The following ROBO1 variants were observed in gnomAD, a reference collection of about 807,000 sequenced individuals.
ROBO1 encodes roundabout homolog 1.
Under a neutral mutation model 195.9 loss-of-function variants are expected in ROBO1, and 149 were observed. The observed-to-expected ratio is 0.76, with a 90% CI of 0.67 to 0.87. ROBO1 has a LOEUF of 0.87. Ranked by LOEUF, ROBO1 falls within the 40% of genes least tolerant of loss-of-function variation. The pLI is 0.00. For missense variants in ROBO1, 1,933 were observed against 2,068.3 expected, an observed-to-expected ratio of 0.93 and a Z score of 1.27; for synonymous variants, 816 against 733.2, an observed-to-expected ratio of 1.11 and a Z score of -1.82.
chr3:78,899,542 G>GA (rs1338670503), intron 4 of ROBO1, among the ~76,000 whole-genome samples: 2 of 152,112 alleles, frequency 1.3e-5, no homozygotes, highest in Non-Finnish European at 2.9e-5. Context: ...GGAAAACTGG[G>GA]AATGTTTGCT....
intron 4 of ROBO1, among the ~76,000 whole-genome samples, chr3:78,814,589 G>C (rs938385872): frequency 6.6e-6 from 1 of 151,822 alleles, no homozygotes; most frequent in South Asian, 2.1e-4. Context: ...AGCTAGACAA[G>C]ACCTGTAAGA....
intron 3 of ROBO1, among the ~76,000 whole-genome samples, chr3:79,037,288 GA>G (rs1469052509): frequency 6.6e-6 from 1 of 152,114 alleles, no homozygotes; most frequent in Non-Finnish European, 1.5e-5. Flanking sequence ...TTCTCTGTAT[GA>G]ATATACCATG....
At chr3:78,711,371 CTTCCTTCCTTCCTTCCTTCCTTCCT>C (rs2081712519) in intron 8 of ROBO1, among the ~76,000 whole-genome samples, 6 of 26,034 alleles carry the variant, frequency 2.3e-4, no homozygotes, top group African/African-American at 1.0e-3. Flanking sequence ...TCCTTCCTTC[CTTCCTTCCTTCCTTCCTTCCTTCCT>C]TCCTTTCTTT....
intron 2 of ROBO1, among the ~76,000 whole-genome samples, chr3:79,581,873 T>C (rs756887596): frequency 6.6e-6 from 1 of 152,102 alleles, no homozygotes; most frequent in African/African-American, 2.4e-5. Flanking sequence ...GAACAAATCA[T>C]ATATATACAA....
intron 1 of ROBO1, among the ~76,000 whole-genome samples, chr3:79,711,931 G>GGGGGGGAGCACTA (rs1702292817): frequency 1.4e-5 from 2 of 141,620 alleles, no homozygotes; most frequent in African/African-American, 5.3e-5. Context: ...GGGCGGGTGG[G>GGGGGGGAGCACTA]TGGGGGAGCA....
In ROBO1 at chr3:79,578,059, A is replaced by G. The variant is rs536894773; in HGVS notation, c.88+11765T>C. On this transcript the variant is annotated intron_variant, in intron 2 of 30. Transcript: ENST00000464233. ...ACAGATGACACATAAACTTAATAAT[A>G]TTATATACAATTAAGGAATTAAAAA... 9.4e-3 allele frequency among the ~76,000 whole-genome samples: 1,434 copies of G among 152,190 alleles called. 24 individuals are homozygous for G. Among genetic ancestry groups the G allele is most frequent in the African/African-American group, 0.033 (1,371 of 41,534 alleles).
chr3:79,017,649 T>C lies in ROBO1; in HGVS notation c.173-78722A>G, dbSNP rs981373145. Among the ~76,000 whole-genome samples the C allele has an allele frequency of 3.3e-5, 5 of 152,084 alleles. No individual in the cohort carries two copies. In the South Asian group the frequency reaches 8.3e-4, roughly 25 times the overall value. ...AGTGTAGATACAGTGTGTACTCTTA[T>C]GTCAGAAGGGCCCCGTTTCAGCATC... On this transcript the variant is annotated intron_variant, in intron 3 of 30. Coordinates refer to ENST00000464233, the MANE Select transcript of ROBO1 (RefSeq NM_002941.4).
chr3:79,726,351 T>C (rs547335841), intron 1 of ROBO1, among the ~76,000 whole-genome samples: 66 of 152,334 alleles, frequency 4.3e-4, no homozygotes, highest in African/African-American at 1.6e-3. Context: ...AGAACCTTCC[T>C]GAACCCTTGG....
chr3:79,738,945 GA>G (rs1008685138), intron 1 of ROBO1, among the ~76,000 whole-genome samples: 1 of 152,108 alleles, frequency 6.6e-6, no homozygotes, highest in African/African-American at 2.4e-5. Context: ...GAAATACTGA[GA>G]AGAATATGAT....
intron 3 of ROBO1, among the ~76,000 whole-genome samples, chr3:78,997,879 T>G (rs2077406273): frequency 6.6e-6 from 1 of 152,104 alleles, no homozygotes; most frequent in African/African-American, 2.4e-5. Flanking sequence ...CAGTTCAGCA[T>G]TTGTGGGGAA....
chr3:79,126,100 G>A (rs545554616), intron 2 of ROBO1, among the ~76,000 whole-genome samples: 2 of 152,198 alleles, frequency 1.3e-5, no homozygotes, highest in East Asian at 1.9e-4. Context: ...GGAAGAAAAC[G>A]GTGCAACATC....
chr3:79,198,682 C>A (rs1418548297), intron 2 of ROBO1, among the ~76,000 whole-genome samples: 1 of 151,886 alleles, frequency 6.6e-6, no homozygotes, highest in Non-Finnish European at 1.5e-5. Flanking sequence ...ATGGAAAGTT[C>A]TTCCATTTGT....
intron 1 of ROBO1, among the ~76,000 whole-genome samples, chr3:79,749,711 G>T (rs1414466758): frequency 6.6e-6 from 1 of 152,234 alleles, no homozygotes; most frequent in Non-Finnish European, 1.5e-5. Flanking sequence ...CTTCCATGTG[G>T]TGTTGAACCT....
At chr3:79,538,921 A>G (rs1416714216) in intron 2 of ROBO1, among the ~76,000 whole-genome samples, 1 of 152,158 alleles carries the variant, frequency 6.6e-6, no homozygotes, top group African/African-American at 2.4e-5. Flanking sequence ...GATACAATTA[A>G]ACATCTGATT....
At chr3:78,859,182 C>G (rs1057433256) in intron 4 of ROBO1, among the ~76,000 whole-genome samples, 1 of 152,118 alleles carries the variant, frequency 6.6e-6, no homozygotes, top group Non-Finnish European at 1.5e-5. Flanking sequence ...ACCGATAGAG[C>G]TGGAGTGTGT....
intron 7 of ROBO1, chr3:78,714,740 T>C (rs2081858275): frequency 4.8e-6 from 2 of 414,288 alleles, no homozygotes; most frequent in South Asian, 7.4e-5. Context: ...AAAAGAACAT[T>C]TTGGGGTAAA....
chr3:79,380,962 C>T (rs545428110), intron 2 of ROBO1, among the ~76,000 whole-genome samples: 5 of 152,300 alleles, frequency 3.3e-5, no homozygotes, highest in Admixed American at 6.5e-5. Context: ...GAGCTTTCAG[C>T]ACACCCTCCA....
At chr3:79,548,308 A>G (rs150749658) in intron 2 of ROBO1, among the ~76,000 whole-genome samples, 218 of 152,300 alleles carry the variant, frequency 1.4e-3, no homozygotes, top group Non-Finnish European at 2.6e-3. Flanking sequence ...AAATCTCTTA[A>G]ACAAATGCTA....
At chr3:79,308,966 G>A (rs559095226) in intron 2 of ROBO1, among the ~76,000 whole-genome samples, 4 of 152,070 alleles carry the variant, frequency 2.6e-5, no homozygotes, top group East Asian at 1.9e-4. Flanking sequence ...AATCTGAAGC[G>A]GTATCTCTAG....
Sources: allele counts gnomAD v4.1 joint callset (sites outside exome capture counted in the v4.1 genomes callset), GRCh38; gene constraint gnomAD v4.1.1; transcripts MANE v1.5; gene names NCBI Gene and HGNC (gene_info 2026-07-23, HGNC 2026-07-21).